CTNND1: variants seen among roughly 807,000 people sequenced by gnomAD.
CTNND1 encodes catenin delta-1.
A neutral mutation model predicts 112.1 loss-of-function variants in CTNND1; 16 were observed. The ratio of observed to expected loss-of-function variants is 0.14; its 90% confidence interval spans 0.10 to 0.22. The LOEUF (loss-of-function observed/expected upper bound fraction) is 0.22. Ranked by LOEUF, CTNND1 falls within the 10% of genes least tolerant of loss-of-function variation. The probability of loss-of-function intolerance (pLI) is 1.00; values close to 1 mark genes in which losing one functional copy is unlikely to be tolerated. For synonymous variants in CTNND1, 420 were observed against 446.5 expected (o/e 0.94, Z 0.75); for missense variants, 1,008 against 1,257.0 (o/e 0.80, Z 3.00).
chr11:57,770,420 C>T (rs536266130), intron 1 of CTNND1, among the ~76,000 whole-genome samples: 12 of 151,164 alleles, frequency 7.9e-5, no homozygotes, highest in South Asian at 4.2e-4. Context: ...TTTGGGAGGC[C>T]GAGGCAGGCG....
intron 9 of CTNND1, among the ~76,000 whole-genome samples, chr11:57,805,630 G>A (rs1445008362): frequency 1.3e-5 from 2 of 152,010 alleles, no homozygotes; most frequent in Non-Finnish European, 2.9e-5. Flanking sequence ...TAAGTAGTAA[G>A]AATGATGATC....
chr11:57,813,620 C>T (rs1362461069), intron 17 of CTNND1, among the ~76,000 whole-genome samples: 1 of 152,152 alleles, frequency 6.6e-6, no homozygotes, highest in Non-Finnish European at 1.5e-5. Context: ...AATTAGTATA[C>T]TATTAAAGAA....
At position 57,819,107 on chromosome 11, in the gene CTNND1, G is replaced by C. The variant is rs1282680524; in HGVS notation, c.*2799G>C. 6.6e-6 allele frequency: 1 copy of C among 151,490 alleles called. No individual in the cohort carries two copies. Among genetic ancestry groups the C allele is most frequent in the Non-Finnish European group, 1.5e-5 (1 of 67,628 alleles). The allele number at this position is 151,490 out of a possible 1,614,324, so 9.4% of individuals were successfully genotyped here. A position where few individuals can be genotyped will look rare whatever the true frequency, so the allele number is the denominator to read the frequency against. On this transcript the variant is annotated 3_prime_UTR_variant, in exon 21 of 21. Coordinates refer to ENST00000399050, the MANE Select transcript of CTNND1 (RefSeq NM_001085458.2). ...CCTTATGTCCTGTCATATAATTAAA[G>C]ACTCAAGAGAATTTATGTGAAATGC...
intron 1 of CTNND1, among the ~76,000 whole-genome samples, chr11:57,770,298 C>G (rs1952235988): frequency 6.6e-6 from 1 of 151,002 alleles, no homozygotes; most frequent in African/African-American, 2.4e-5. Flanking sequence ...CCACTGCACT[C>G]CAGCCTGGGC....
chr11:57,792,623 C>T (rs952720200), intron 3 of CTNND1, among the ~76,000 whole-genome samples: 10 of 152,154 alleles, frequency 6.6e-5, no homozygotes, highest in African/African-American at 2.2e-4. Context: ...GTTCGCCTCC[C>T]GGGTTCAAGC....
chr11:57,783,610 G>A (rs2059825823), intron 1 of CTNND1, among the ~76,000 whole-genome samples: 1 of 151,112 alleles, frequency 6.6e-6, no homozygotes, highest in Non-Finnish European at 1.5e-5. Context: ...AGTGAGCCGA[G>A]ATCGCGCCAC....
chr11:57,801,355 C>T (rs1707889558), intron 6 of CTNND1, among the ~76,000 whole-genome samples: 1 of 152,154 alleles, frequency 6.6e-6, no homozygotes, highest in Admixed American at 6.6e-5. Flanking sequence ...TAATTCTGTT[C>T]TCTGAGAGTT....
In CTNND1 at chr11:57,788,761, T is replaced by C. The variant is rs1199330450; in HGVS notation, c.-213-276T>C. Among the ~76,000 whole-genome samples the C allele has an allele frequency of 2.0e-5, 3 of 152,182 alleles. No homozygotes were observed. The highest frequency in any genetic ancestry group is 4.8e-5 in the African/African-American group (2 of 41,432). On this transcript the variant is annotated intron_variant, in intron 1 of 20. Coordinates refer to ENST00000399050, the MANE Select transcript of CTNND1 (RefSeq NM_001085458.2). This position sits in a 1 kb window ranked among gnomAD's most constrained non-coding sequence, Gnocchi z 4.1. Reference sequence around the variant, plus strand: ...TGGAAACAGGGTAAATGGATTTTTATACATATTATAACCTGTTCCTGGTTA... The same window carrying C: ...TGGAAACAGGGTAAATGGATTTTTACACATATTATAACCTGTTCCTGGTTA...
At chr11:57,763,538 C>G (rs776362707) in intron 1 of CTNND1, among the ~76,000 whole-genome samples, 6 of 152,172 alleles carry the variant, frequency 3.9e-5, no homozygotes, top group Non-Finnish European at 8.8e-5. Flanking sequence ...GTTCCTCCTT[C>G]AAATACAACC....
chr11:57,810,359 C>G, intron 16 of CTNND1, 136 bp downstream of exon 16: 4 of 542,898 alleles, frequency 7.4e-6, no homozygotes, highest in Non-Finnish European at 1.2e-5. Flanking sequence ...GACAGAGTCT[C>G]ACTCTGTTGC....
At chr11:57,814,402 TG>T in intron 18 of CTNND1, 29 bp downstream of exon 18, 1 of 1,555,956 alleles carries the variant, frequency 6.4e-7, no homozygotes, top group Non-Finnish European at 8.8e-7. Flanking sequence ...CCTAAGGATG[TG>T]GAGTAATATT....
intron 16 of CTNND1, among the ~76,000 whole-genome samples, chr11:57,811,047 C>A (rs1487458566): frequency 6.6e-6 from 1 of 152,082 alleles, no homozygotes. Flanking sequence ...CTCAGGTATC[C>A]CTCTATGTCA....
intron 1 of CTNND1, among the ~76,000 whole-genome samples, chr11:57,771,966 C>G (rs1175349057): frequency 6.7e-6 from 1 of 150,162 alleles, no homozygotes; most frequent in African/African-American, 2.4e-5. Flanking sequence ...GATACAAGGT[C>G]TGTCTCGGCA....
In CTNND1 at chr11:57,796,878, G is replaced by A. The variant is rs201654277; in HGVS notation, c.842G>A (p.Gly281Glu). ...DLHRFHPEPYGLEDDQRSMGY... is the reference protein window; with the variant it reads ...DLHRFHPEPYELEDDQRSMGY... ...CATCGCTTTCATCCAGAGCCTTATG[G>A]GCTAGAGGATGACCAGCGTAGTATG... Residue 281 changes from glycine (G) to glutamate (E), a missense_variant, in exon 6 of 21, where the codon GGG (glycine) becomes GAG (glutamate). Gly to Glu is a moderately conservative substitution (Grantham distance 98). This residue lies in a region of CTNND1 where 404 missense variants were observed against 457.9 expected (regional missense o/e 0.88). Coordinates refer to ENST00000399050, the MANE Select transcript of CTNND1 (RefSeq NM_001085458.2). 2.5e-6 allele frequency: 4 copies of A among 1,609,900 alleles called. No individual in the cohort carries two copies. Among genetic ancestry groups the A allele is most frequent in the Middle Eastern group, 1.6e-4 (1 of 6,064 alleles).
intron 9 of CTNND1, among the ~76,000 whole-genome samples, chr11:57,805,403 C>T (rs2062540637): frequency 6.6e-6 from 1 of 151,834 alleles, no homozygotes; most frequent in Admixed American, 6.6e-5. Context: ...GCCACCATGC[C>T]CGGCTAATTT....
chr11:57,778,366 G>C (rs2059225923), intron 1 of CTNND1, among the ~76,000 whole-genome samples: 1 of 152,176 alleles, frequency 6.6e-6, no homozygotes, highest in Admixed American at 6.5e-5. Flanking sequence ...AATCCAGATT[G>C]GTAATCAAAT....
intron 1 of CTNND1, among the ~76,000 whole-genome samples, chr11:57,768,585 G>T (rs914855434): frequency 2.0e-5 from 3 of 151,618 alleles, no homozygotes; most frequent in African/African-American, 7.3e-5. Flanking sequence ...AGTAGAGACG[G>T]GGTTTCACTG....
At chr11:57,787,545 TG>T in intron 1 of CTNND1, among the ~76,000 whole-genome samples, 1 of 152,228 alleles carries the variant, frequency 6.6e-6, no homozygotes, top group Non-Finnish European at 1.5e-5. Flanking sequence ...TCCTAACTCC[TG>T]GGAAGCAGCA....
chr11:57,778,301 T>C (rs1000696257), intron 1 of CTNND1, among the ~76,000 whole-genome samples: 1 of 152,126 alleles, frequency 6.6e-6, no homozygotes, highest in African/African-American at 2.4e-5. Flanking sequence ...AGGTGGATGA[T>C]AGGGAAGGTG....
Sources: allele counts gnomAD v4.1 joint callset (sites outside exome capture counted in the v4.1 genomes callset), GRCh38; gene constraint gnomAD v4.1.1; regional missense constraint gnomAD v4.1.1; non-coding constraint Gnocchi (gnomAD v3.1); transcripts MANE v1.5; gene names NCBI Gene and HGNC (gene_info 2026-07-23, HGNC 2026-07-21).